Variants in MAGI2 observed in about 807,000 individuals in gnomAD.
The protein encoded by MAGI2 is membrane associated guanylate kinase, WW and PDZ domain containing 2.
MAGI2 carries 35 observed loss-of-function variants against 133.3 expected under a neutral mutation model. That is an observed-to-expected ratio of 0.26 (90% CI 0.20 to 0.35). The LOEUF is 0.35. MAGI2 is among the 10% of genes least tolerant of loss of function. The pLI is 1.00. For synonymous variants in MAGI2, 729 were observed against 710.6 expected (o/e 1.03, Z -0.41); for missense variants, 1,636 against 1,863.4 (o/e 0.88, Z 2.25).
At chr7:78,289,879 T>C (rs945728624) in intron 9 of MAGI2, among the ~76,000 whole-genome samples, 1 of 152,024 alleles carries the variant, frequency 6.6e-6, no homozygotes, top group Non-Finnish European at 1.5e-5. Flanking sequence ...AGAAATAAGA[T>C]CCTTTACAGA....
chr7:79,370,174 A>G, intron 1 of MAGI2, among the ~76,000 whole-genome samples: 1 of 152,084 alleles, frequency 6.6e-6, no homozygotes, highest in Non-Finnish European at 1.5e-5. Context: ...AAATCCCTAA[A>G]CACTTTATTG....
intron 1 of MAGI2, among the ~76,000 whole-genome samples, chr7:79,295,927 T>C (rs747457053): frequency 5.3e-5 from 8 of 152,214 alleles, no homozygotes; most frequent in Admixed American, 1.3e-4. Flanking sequence ...ATTCAAAATA[T>C]TATTTTAGGC....
intron 21 of MAGI2, among the ~76,000 whole-genome samples, chr7:78,048,473 G>A (rs138984864): frequency 1.3e-4 from 20 of 151,974 alleles, no homozygotes; most frequent in African/African-American, 4.3e-4. Context: ...AACAGTCCCC[G>A]CCAATGCCCC....
chr7:78,691,604 C>A (rs1816962049), intron 2 of MAGI2, among the ~76,000 whole-genome samples: 2 of 152,188 alleles, frequency 1.3e-5, no homozygotes, highest in South Asian at 4.1e-4. Flanking sequence ...AAGTCATATT[C>A]TAGGAACTGC....
In MAGI2 at chr7:78,125,727, T is replaced by G; in HGVS notation, c.3534A>C (p.Glu1178Asp). 1 of 1,614,076 alleles carries G rather than the reference T, an allele frequency of 6.2e-7. No homozygotes were observed. The highest frequency in any genetic ancestry group is 1.1e-5 in the South Asian group (1 of 91,072). ...KMDLYVLRLAEDGPAIRNGRM... is the reference protein window; with the variant it reads ...KMDLYVLRLADDGPAIRNGRM... ...TCCCATTCCTTATTGCTGGTCCATC[T>G]TCTGCCAGTCTCAACACATACAAAT... The change falls in exon 20 of 22, where the codon GAA becomes GAC. Residue 1178 changes from glutamate to aspartate, a missense_variant. By Grantham distance (45) the Glu-to-Asp change is conservative. Around this residue, in one of 5 missense-constraint regions of MAGI2, gnomAD observed 49 missense variants for 103.8 expected, o/e 0.47. Transcript: ENST00000354212.
intron 2 of MAGI2, among the ~76,000 whole-genome samples, chr7:78,685,832 A>T (rs558289740): frequency 6.6e-6 from 1 of 152,180 alleles, no homozygotes; most frequent in South Asian, 2.1e-4. Context: ...CATGATCATC[A>T]TTGTTATTCT....
intron 3 of MAGI2, among the ~76,000 whole-genome samples, chr7:78,582,056 G>A (rs561560678): frequency 1.2e-4 from 18 of 152,330 alleles, no homozygotes; most frequent in African/African-American, 4.1e-4. Context: ...AAAGGGGTAA[G>A]GGGATGATGA....
In MAGI2 at chr7:79,268,849, C is replaced by T. The variant is rs754512212; in HGVS notation, c.301+184171G>A. Among the ~76,000 whole-genome samples, 15 of 152,204 alleles carry T rather than the reference C, an allele frequency of 9.9e-5. No homozygotes were observed. In the East Asian group the frequency reaches 2.3e-3, roughly 24 times the overall value. On this transcript the variant is annotated intron_variant, in intron 1 of 21. Transcript: ENST00000354212. ...GCTGTGCTGGCCTCTGCCTCAACACCGTGACATGGGGCACAGGATAGATGA... is the reference window on the plus strand; with the variant it reads ...GCTGTGCTGGCCTCTGCCTCAACACTGTGACATGGGGCACAGGATAGATGA...
chr7:78,307,120 C>T (rs1798303727), intron 9 of MAGI2, among the ~76,000 whole-genome samples: 1 of 152,132 alleles, frequency 6.6e-6, no homozygotes, highest in African/African-American at 2.4e-5. Flanking sequence ...AGCATTGACA[C>T]ATACATGTCA....
intron 2 of MAGI2, among the ~76,000 whole-genome samples, chr7:78,895,402 G>T (rs578072562): frequency 5.5e-4 from 84 of 152,090 alleles, no homozygotes; most frequent in Middle Eastern, 6.8e-3. Flanking sequence ...GACTAAAACA[G>T]CATCTAACAT....
intron 6 of MAGI2, among the ~76,000 whole-genome samples, chr7:78,373,766 T>C (rs1039950381): frequency 3.3e-5 from 5 of 152,138 alleles, no homozygotes; most frequent in African/African-American, 1.2e-4. Context: ...CACCTTCTAG[T>C]AGTCCCAAGT....
intron 2 of MAGI2, among the ~76,000 whole-genome samples, chr7:78,893,017 T>C (rs979358093): frequency 9.9e-5 from 15 of 151,884 alleles, no homozygotes; most frequent in Admixed American, 9.2e-4. Context: ...TACAATGAAC[T>C]CAAACAAATT....
At chr7:78,684,740 G>A (rs1023437314) in intron 2 of MAGI2, among the ~76,000 whole-genome samples, 3 of 145,842 alleles carry the variant, frequency 2.1e-5, no homozygotes, top group Non-Finnish European at 3.0e-5. Flanking sequence ...AGAAAAAAAA[G>A]CATTTTTTTT....
chr7:78,138,743 C>T (rs904992862), intron 16 of MAGI2, among the ~76,000 whole-genome samples: 2 of 151,840 alleles, frequency 1.3e-5, no homozygotes, highest in African/African-American at 4.8e-5. Context: ...AGAACTTGCT[C>T]ATTTTAAATC....
intron 5 of MAGI2, among the ~76,000 whole-genome samples, chr7:78,490,413 G>A (rs1793491861): frequency 6.6e-6 from 1 of 151,992 alleles, no homozygotes. Flanking sequence ...CAGCTCAGAA[G>A]GTAGGGGATA....
intron 1 of MAGI2, among the ~76,000 whole-genome samples, chr7:79,432,379 C>T (rs1295472999): frequency 6.6e-6 from 1 of 152,104 alleles, no homozygotes; most frequent in East Asian, 1.9e-4. Context: ...ATGATGATAC[C>T]CACAAGCAAA....
At chr7:78,378,436 C>G (rs866718123) in intron 6 of MAGI2, among the ~76,000 whole-genome samples, 5 of 151,762 alleles carry the variant, frequency 3.3e-5, no homozygotes, top group Admixed American at 1.3e-4. Flanking sequence ...CCAGTCAATT[C>G]CAAAATACAT....
chr7:78,560,091 G>A (rs1800252068), intron 3 of MAGI2, among the ~76,000 whole-genome samples: 1 of 152,020 alleles, frequency 6.6e-6, no homozygotes, highest in Admixed American at 6.6e-5. Context: ...CACAAAGCAG[G>A]GACAAACAAG....
chr7:78,400,391 C>T (rs1796748638), intron 6 of MAGI2, among the ~76,000 whole-genome samples: 2 of 152,110 alleles, frequency 1.3e-5, no homozygotes, highest in Admixed American at 1.3e-4. Context: ...TAATCTCTCA[C>T]AAAATAGATT....
Sources: gnomAD v4.1 joint callset for allele counts (sites outside exome capture counted in the v4.1 genomes callset) on GRCh38, gnomAD v4.1.1 for gene constraint, gnomAD v4.1.1 regional missense constraint, MANE v1.5 for transcripts, NCBI Gene and HGNC (gene_info 2026-07-23, HGNC 2026-07-21) for gene names.